The following POC1B variants were observed in gnomAD, a reference collection of about 807,000 sequenced individuals.
POC1B encodes POC1 centriolar protein homolog B.
In POC1B, 44 loss-of-function variants were observed where a neutral mutation model predicts 60.6. That is an observed-to-expected ratio of 0.73 (90% CI 0.57 to 0.93). POC1B has a LOEUF of 0.93. Among genes scored for constraint, POC1B ranks in the 40% least tolerant of loss-of-function variants. POC1B has a pLI of 0.00. For synonymous variants in POC1B, 180 were observed against 198.9 expected, an observed-to-expected ratio of 0.90 and a Z score of 0.80; for missense variants, 555 against 572.3, an observed-to-expected ratio of 0.97 and a Z score of 0.31.
At chr12:89,468,961 T>C (rs1354382280) in intron 7 of POC1B, among the ~76,000 whole-genome samples, 1 of 152,124 alleles carries the variant, frequency 6.6e-6, no homozygotes, top group East Asian at 1.9e-4. Flanking sequence ...GACTAGTTTA[T>C]ATACTCAAAA....
intron 11 of POC1B, among the ~76,000 whole-genome samples, chr12:89,422,790 G>A (rs558043772): frequency 6.6e-6 from 1 of 152,116 alleles, no homozygotes; most frequent in African/African-American, 2.4e-5. Context: ...TACAGGAAAG[G>A]CATGACACTT....
At chr12:89,464,298 A>G (rs1882590706) in intron 9 of POC1B, among the ~76,000 whole-genome samples, 1 of 152,140 alleles carries the variant, frequency 6.6e-6, no homozygotes, top group South Asian at 2.1e-4. Context: ...CACAACTTCT[A>G]TTCTGACTAT....
At chr12:89,477,596 C>T (rs1031679676) in intron 4 of POC1B, among the ~76,000 whole-genome samples, 3 of 152,146 alleles carry the variant, frequency 2.0e-5, no homozygotes, top group East Asian at 1.9e-4. Flanking sequence ...GCCAGAAACT[C>T]GGGGGTCTGG....
At chr12:89,422,050 T>TA (rs986144015) in intron 11 of POC1B, among the ~76,000 whole-genome samples, 6 of 143,378 alleles carry the variant, frequency 4.2e-5, no homozygotes, top group East Asian at 2.0e-4. Flanking sequence ...CTTTTTTTTT[T>TA]AAAAAAACTT....
intron 2 of POC1B, among the ~76,000 whole-genome samples, chr12:89,514,214 A>G (rs1318189914): frequency 6.6e-6 from 1 of 151,870 alleles, no homozygotes; most frequent in Non-Finnish European, 1.5e-5. Context: ...TGGTTGTTTA[A>G]AAGTATATAG....
intron 5 of POC1B, 43 bp from the exon 6 acceptor site, chr12:89,471,772 T>C (rs780302548): frequency 7.6e-6 from 9 of 1,187,076 alleles, no homozygotes; most frequent in Admixed American, 2.4e-5. Context: ...CAATTTCTTT[T>C]TTTTTTTTTT....
Position 89,524,994 on chromosome 12 carries a change from C to T in POC1B, c.100+126G>A, listed in dbSNP as rs539696809. On this transcript the variant is annotated intron_variant, in intron 2 of 11. Transcript: ENST00000313546. ...CCCCGCCGCGCTGGGCCCTCGTCTC[C>T]GGGTGCTCTCAACCCTCATACAGGC... The T allele has an allele frequency of 1.0e-4, 140 of 1,403,766 alleles. No homozygotes were observed. In the East Asian group the frequency reaches 3.3e-3, roughly 33 times the overall value. 87.0% of individuals were successfully genotyped at this position (1,403,766 alleles called of 1,614,324 possible).
intron 10 of POC1B, among the ~76,000 whole-genome samples, chr12:89,456,056 A>C (rs747356158): frequency 2.0e-4 from 30 of 150,722 alleles, no homozygotes; most frequent in Non-Finnish European, 3.4e-4. Context: ...AGATGGATGG[A>C]GTCTCCCAGG....
intron 2 of POC1B, among the ~76,000 whole-genome samples, chr12:89,517,213 T>C (rs1246658605): frequency 6.6e-6 from 1 of 152,236 alleles, no homozygotes; most frequent in African/African-American, 2.4e-5. Flanking sequence ...TTGCCTATGC[T>C]ACTCTCCTTT....
At chr12:89,451,130 T>A (rs1882026176) in intron 10 of POC1B, among the ~76,000 whole-genome samples, 1 of 152,160 alleles carries the variant, frequency 6.6e-6, no homozygotes, top group South Asian at 2.1e-4. Context: ...TAAAAAGACA[T>A]TCTGAAAAGG....
chr12:89,406,245 T>C, the POC1B span, among the ~76,000 whole-genome samples: 1 of 152,124 alleles, frequency 6.6e-6, no homozygotes, highest in African/African-American at 2.4e-5. Flanking sequence ...TTTAGAATCT[T>C]TAAAAATAGA....
chr12:89,454,422 A>C (rs1398963050), intron 10 of POC1B, among the ~76,000 whole-genome samples: 1 of 151,716 alleles, frequency 6.6e-6, no homozygotes, highest in African/African-American at 2.4e-5. Flanking sequence ...CTCTTTGTCC[A>C]CCCCCATCAA....
At chr12:89,421,349 TG>T in intron 11 of POC1B, 92 bp from the exon 12 acceptor site, 1 of 1,055,252 alleles carries the variant, frequency 9.5e-7, no homozygotes. Context: ...TTTTAAGAAC[TG>T]GGATGCCCAC....
chr12:89,405,622 G>A, the POC1B span, among the ~76,000 whole-genome samples: 1 of 152,086 alleles, frequency 6.6e-6, no homozygotes, highest in Non-Finnish European at 1.5e-5. Context: ...AAAAAAAATA[G>A]TTGTTTAAGC....
intron 10 of POC1B, among the ~76,000 whole-genome samples, chr12:89,434,201 A>AAAGAACCT (rs1299984950): frequency 6.6e-6 from 1 of 152,254 alleles, no homozygotes; most frequent in East Asian, 1.9e-4. Flanking sequence ...TTTCTCAAAG[A>AAAGAACCT]AAGAACCTTC....
chr12:89,463,409 C>T (rs1882552324), intron 9 of POC1B, among the ~76,000 whole-genome samples: 2 of 149,768 alleles, frequency 1.3e-5, no homozygotes, highest in Admixed American at 1.3e-4. Context: ...AAGGGAACTG[C>T]TGCTCCGGAG....
intron 2 of POC1B, among the ~76,000 whole-genome samples, chr12:89,504,044 C>T (rs1236749827): frequency 4.0e-5 from 6 of 149,456 alleles, no homozygotes; most frequent in South Asian, 2.1e-4. Context: ...CGCCTCTGCC[C>T]GGCCGCCCCT....
At chr12:89,446,332 T>G (rs899871453) in intron 10 of POC1B, among the ~76,000 whole-genome samples, 9 of 152,164 alleles carry the variant, frequency 5.9e-5, no homozygotes, top group Non-Finnish European at 1.2e-4. Context: ...CTATTCACAA[T>G]ACAAAGACTT....
intron 2 of POC1B, chr12:89,501,935 G>C (rs1869592161): frequency 1.5e-5 from 16 of 1,091,160 alleles, no homozygotes; most frequent in Non-Finnish European, 2.1e-5. Context: ...GAAATTTCCA[G>C]TTGTTTCCTG....
Sources: gnomAD v4.1 joint callset for allele counts (sites outside exome capture counted in the v4.1 genomes callset) on GRCh38, gnomAD v4.1.1 for gene constraint, MANE v1.5 for transcripts, NCBI Gene and HGNC (gene_info 2026-07-23, HGNC 2026-07-21) for gene names.